CACNG7: variants seen among roughly 807,000 people sequenced by gnomAD.
The protein encoded by CACNG7 is calcium voltage-gated channel auxiliary subunit gamma 7, also known as voltage-dependent calcium channel gamma-7 subunit.
Under a neutral mutation model 26.3 loss-of-function variants are expected in CACNG7, and 9 were observed. The ratio of observed to expected loss-of-function variants is 0.34; its 90% CI spans 0.21 to 0.60. The LOEUF is 0.60. Ranked by LOEUF, CACNG7 falls within the 20% of genes least tolerant of loss-of-function variation. CACNG7 has a pLI of 0.81. For missense variants in CACNG7, 297 were observed against 380.4 expected (o/e 0.78, Z 1.82); for synonymous variants, 170 against 157.0 (o/e 1.08, Z -0.62).
chr19:53,923,879 C>CCTGGTCATTGGTGGAGTTGCCCCAGGT (rs2068993216), intron 4 of CACNG7, among the ~76,000 whole-genome samples: 6 of 59,080 alleles, frequency 1.0e-4, no homozygotes, highest in African/African-American at 4.1e-4. Flanking sequence ...TTGCCCCAGG[C>CCTGGTCATTGGTGGAGTTGCCCCAGGT]CTGGTCATTG....
At chr19:53,938,552 G>A (rs2069119252) in intron 4 of CACNG7, among the ~76,000 whole-genome samples, 1 of 152,180 alleles carries the variant, frequency 6.6e-6, no homozygotes, top group East Asian at 1.9e-4. Flanking sequence ...CCTTGTGGTT[G>A]TAGCAAAAAA....
chr19:53,942,429 C>T lies in CACNG7; in HGVS notation c.*136C>T, dbSNP rs2069144714. On this transcript the variant is annotated 3_prime_UTR_variant, in exon 6 of 6. Coordinates refer to ENST00000391767, the MANE Select transcript of CACNG7 (RefSeq NM_031896.5). The surrounding 1 kb of genome is among the most constrained non-coding windows in gnomAD (Gnocchi z 5.9). The stretch of plus-strand genomic sequence containing the variant: ...GAGGCTGCGCCAGCTTTAGGCCCCG[C>T]CCTCCTCCCAATGGCTCCGCCCACA... 1.3e-6 allele frequency: 2 copies of T among 1,495,472 alleles called. No individual in the cohort carries two copies. Among genetic ancestry groups the T allele is most frequent in the Non-Finnish European group, 1.8e-6 (2 of 1,128,690 alleles). The allele number at this position is 1,495,472 out of a possible 1,614,324, so 92.6% of individuals were successfully genotyped here.
At chr19:53,914,654 G>A in intron 3 of CACNG7, 68 bp downstream of exon 3, 2 of 1,408,344 alleles carry the variant, frequency 1.4e-6, no homozygotes, top group South Asian at 1.2e-5. Context: ...AGTCCTGGGA[G>A]GGGGCAGGAC....
chr19:53,942,574 TCCAAGAA>T lies in CACNG7; in HGVS notation c.*282_*288del. ...CGCCCCTTTCCTCTGGCCCCTCCTC[TCCAAGAA>T]AATTAGCTCCTCCCTCGTTCTCCAC... On this transcript the variant is annotated 3_prime_UTR_variant, in exon 6 of 6. Coordinates refer to ENST00000391767, the MANE Select transcript of CACNG7 (RefSeq NM_031896.5). The surrounding 1 kb of genome is among the most constrained non-coding windows in gnomAD (Gnocchi z 5.9). 2 of 1,330,932 alleles carry T rather than the reference TCCAAGAA, an allele frequency of 1.5e-6. No homozygotes were observed. Among genetic ancestry groups the T allele is most frequent in the South Asian group, 2.1e-5 (1 of 48,302 alleles). 82.4% of individuals were successfully genotyped at this position (1,330,932 alleles called of 1,614,324 possible).
At chr19:53,927,120 A>G (rs980483874) in intron 4 of CACNG7, among the ~76,000 whole-genome samples, 3 of 151,928 alleles carry the variant, frequency 2.0e-5, no homozygotes, top group African/African-American at 7.2e-5. Context: ...GGATTCCACC[A>G]TGTTGGCCAG....
chr19:53,938,550 T>C (rs748057043), intron 4 of CACNG7, among the ~76,000 whole-genome samples: 1 of 152,214 alleles, frequency 6.6e-6, no homozygotes, highest in East Asian at 1.9e-4. Context: ...AGCCTTGTGG[T>C]TGTAGCAAAA....
At chr19:53,916,083 C>T (rs1055221916) in intron 4 of CACNG7, among the ~76,000 whole-genome samples, 9 of 152,234 alleles carry the variant, frequency 5.9e-5, no homozygotes, top group African/African-American at 1.9e-4. Flanking sequence ...CATGGTCTTG[C>T]GTCTGTCCAT....
chr19:53,937,746 G>A lies in CACNG7; in HGVS notation c.425-3724G>A, dbSNP rs143079235. Among the ~76,000 whole-genome samples, 871 of 151,992 alleles carry A rather than the reference G, an allele frequency of 5.7e-3. 10 individuals carry two copies. Among genetic ancestry groups the A allele is most frequent in the African/African-American group, 0.02 (836 of 41,460 alleles). On this transcript the variant is annotated intron_variant, in intron 4 of 5. Coordinates refer to ENST00000391767, the MANE Select transcript of CACNG7 (RefSeq NM_031896.5). ...GCTGGGGTTACGAGTGTGTGCCATCGCACCCAGCTAATTTTTGTATTTTTA... is the reference window on the plus strand; with the variant it reads ...GCTGGGGTTACGAGTGTGTGCCATCACACCCAGCTAATTTTTGTATTTTTA...
In CACNG7 at chr19:53,909,458, G is replaced by T; in HGVS notation, c.-89G>T. 6.6e-6 allele frequency: 1 copy of T among 150,946 alleles called. No individual in the cohort carries two copies. The highest frequency in any genetic ancestry group is 1.8e-4 in the South Asian group (1 of 5,608). 9.4% of individuals were successfully genotyped at this position (150,946 alleles called of 1,614,324 possible). ...GGCGGCGGCGGCCGGGGGAAGCCTC[G>T]GGGCCGGTCATGCGGCTGCGGGGCC... On this transcript the variant is annotated 5_prime_UTR_variant, in exon 1 of 6. Transcript: ENST00000391767. This position sits in a 1 kb window ranked among gnomAD's most constrained non-coding sequence, Gnocchi z 5.1.
rs1308293609 is a variant in CACNG7 at position 53,931,684 on chromosome 19, C to A, written c.425-9786C>A. Among the ~76,000 whole-genome samples the A allele has an allele frequency of 1.1e-3, 62 of 57,356 alleles. No homozygotes were observed. In the South Asian group the frequency reaches 0.02, roughly 19 times the overall value. The allele number at this position is 57,356 out of a possible 152,430, so 37.6% of individuals were successfully genotyped here. A position where few individuals can be genotyped will look rare whatever the true frequency, so the allele number is the denominator to read the frequency against. ...CCTAGGTGACAGAGTAAGACTCTGTCTAAAAAAAAAAAAAAAAAAAAAAAG... is the reference window on the plus strand; with the variant it reads ...CCTAGGTGACAGAGTAAGACTCTGTATAAAAAAAAAAAAAAAAAAAAAAAG... On this transcript the variant is annotated intron_variant, in intron 4 of 5. Transcript: ENST00000391767.
rs1417544455 is a variant in CACNG7 at position 53,921,070 on chromosome 19, G to GC, written c.424+5569dup. 8.3e-4 allele frequency among the ~76,000 whole-genome samples: 70 copies of GC among 84,596 alleles called. 1 individual carries two copies. The highest frequency in any genetic ancestry group is 1.2e-3 in the Non-Finnish European group (58 of 46,490). The allele number at this position is 84,596 out of a possible 152,430, so 55.5% of individuals were successfully genotyped here. On this transcript the variant is annotated intron_variant, in intron 4 of 5. Coordinates refer to ENST00000391767, the MANE Select transcript of CACNG7 (RefSeq NM_031896.5). ...CCCAGGCCTGGTCATTGGTGGACTT[G>GC]CCCCAGGTCTGGTCATTGGTGGAGT...
At chr19:53,941,283 T>C (rs1290180329) in intron 4 of CACNG7, among the ~76,000 whole-genome samples, 187 bp from the exon 5 acceptor site, 1 of 151,916 alleles carries the variant, frequency 6.6e-6, no homozygotes, top group African/African-American at 2.4e-5. Flanking sequence ...TTTAGGGGGA[T>C]AAAGGGGGAG....
intron 4 of CACNG7, among the ~76,000 whole-genome samples, chr19:53,921,619 T>A (rs2145904861): frequency 1.3e-5 from 1 of 78,458 alleles, no homozygotes; most frequent in Admixed American, 1.2e-4. Context: ...CCAGGTCTGG[T>A]CATTGGTGGA....
intron 4 of CACNG7, among the ~76,000 whole-genome samples, chr19:53,927,923 A>G (rs2069043943): frequency 2.0e-5 from 3 of 151,816 alleles, no homozygotes; most frequent in Admixed American, 2.0e-4. Flanking sequence ...CCTGAAACCC[A>G]GTTGCTCTCA....
In CACNG7 at chr19:53,943,848, A is replaced by G. The variant is rs1005503638; in HGVS notation, c.*1555A>G. On this transcript the variant is annotated 3_prime_UTR_variant, in exon 6 of 6. Coordinates refer to ENST00000391767, the MANE Select transcript of CACNG7 (RefSeq NM_031896.5). The stretch of plus-strand genomic sequence containing the variant: ...GTTGTTAAATGACTTAATCATCATC[A>G]TTATCAACGGCAGCGCTTTATACTT... 6.6e-6 allele frequency: 1 copy of G among 152,132 alleles called. No individual in the cohort carries two copies. Among genetic ancestry groups the G allele is most frequent in the Non-Finnish European group, 1.5e-5 (1 of 68,038 alleles). 9.4% of individuals were successfully genotyped at this position (152,132 alleles called of 1,614,324 possible). A position where few individuals can be genotyped will look rare whatever the true frequency, so the allele number is the denominator to read the frequency against.
rs994602498 is a variant in CACNG7, at chr19:53,939,124, G to A, written c.425-2346G>A. 1.3e-5 allele frequency among the ~76,000 whole-genome samples: 2 copies of A among 152,052 alleles called. No individual in the cohort carries two copies. Among genetic ancestry groups the A allele is most frequent in the South Asian group, 2.1e-4 (1 of 4,836 alleles). ...ATACAAAAATTAGCCAGGCATGGTG[G>A]CGGGTGCCTGTTAATTCCAGCTACG... On this transcript the variant is annotated intron_variant, in intron 4 of 5. Coordinates refer to ENST00000391767, the MANE Select transcript of CACNG7 (RefSeq NM_031896.5). This position sits in a 1 kb window ranked among gnomAD's most constrained non-coding sequence, Gnocchi z 4.2.
At chr19:53,931,993 C>T (rs1568782057) in intron 4 of CACNG7, among the ~76,000 whole-genome samples, 2 of 151,516 alleles carry the variant, frequency 1.3e-5, no homozygotes, top group South Asian at 4.2e-4. Context: ...GATCTCCTGA[C>T]CTCGTGATCC....
At chr19:53,924,701 G>A (rs2069008242) in intron 4 of CACNG7, among the ~76,000 whole-genome samples, 1 of 150,794 alleles carries the variant, frequency 6.6e-6, no homozygotes, top group Admixed American at 6.6e-5. Flanking sequence ...TGGTATTGGT[G>A]GAGTTGCCCC....
chr19:53,925,525 A>ACTTGCCCCAGGCTGGTCATTGGTGGT (rs2069022336), intron 4 of CACNG7, among the ~76,000 whole-genome samples: 1 of 132,656 alleles, frequency 7.5e-6, no homozygotes, highest in Non-Finnish European at 1.6e-5. Context: ...TCATTGGTGG[A>ACTTGCCCCAGGCTGGTCATTGGTGGT]GTTGTCCCAG....
Sources: gnomAD v4.1 joint callset for allele counts (sites outside exome capture counted in the v4.1 genomes callset) on GRCh38, gnomAD v4.1.1 for gene constraint, Gnocchi (gnomAD v3.1) non-coding constraint, MANE v1.5 for transcripts, NCBI Gene and HGNC (gene_info 2026-07-23, HGNC 2026-07-21) for gene names.